TAS2R30: variants seen among roughly 807,000 people sequenced by gnomAD.
TAS2R30 encodes the protein taste receptor type 2 member 30.
For missense variants in TAS2R30, 395 were observed against 371.6 expected, an observed-to-expected ratio of 1.06 and a Z score of -0.52; for synonymous variants, 141 against 131.6, an observed-to-expected ratio of 1.07 and a Z score of -0.49.
chr12:11,133,477 T>C, exon 1 of TAS2R30: 1 of 1,614,142 alleles, frequency 6.2e-7, no homozygotes, highest in Non-Finnish European at 8.5e-7. Flanking sequence ...CAGGTTGCTT[T>C]TCCAGCCTCC....
exon 1 of TAS2R30, chr12:11,133,155 G>A (rs2600357): frequency 0.5 from 547,404 of 1,088,808 alleles, 136,596 homozygotes; most frequent in Non-Finnish European, 0.54. Context: ...CTATATATAT[G>A]TACTTTTCTA....
At position 11,133,151 on chromosome 12, in the gene TAS2R30, A is replaced by G. The variant is rs140979402; in HGVS notation, c.*134T>C. 151 of 1,012,634 alleles carry G rather than the reference A, an allele frequency of 1.5e-4. 2 individuals are homozygous for G. The highest frequency in any genetic ancestry group is 7.6e-4 in the Middle Eastern group (3 of 3,930). 62.7% of individuals were successfully genotyped at this position (1,012,634 alleles called of 1,614,324 possible). On this transcript the variant is annotated 3_prime_UTR_variant, in exon 1 of 1. Coordinates refer to ENST00000539585, the Ensembl canonical transcript of TAS2R30. ...CACACACACACACACACATCTATAT[A>G]TATGTACTTTTCTAGACTAACTTTA...
chr12:11,133,342 C>G, exon 1 of TAS2R30: 1 of 1,613,126 alleles, frequency 6.2e-7, no homozygotes, highest in Non-Finnish European at 8.5e-7. Context: ...TTCTGTCTTT[C>G]ACCCAGTACC....
chr12:11,134,106 T>A (rs1273640109), exon 1 of TAS2R30: 1 of 1,614,012 alleles, frequency 6.2e-7, no homozygotes, highest in Non-Finnish European at 8.5e-7. Flanking sequence ...GCAGTGAGAA[T>A]TTGGTCAACA....
exon 1 of TAS2R30, chr12:11,134,230 C>G (rs1162786982): frequency 6.2e-7 from 1 of 1,612,576 alleles, no homozygotes; most frequent in Non-Finnish European, 8.5e-7. Flanking sequence ...AAATGATGGG[C>G]AGAAAAGTTA....
exon 1 of TAS2R30, chr12:11,133,360 C>T: frequency 2.5e-6 from 4 of 1,613,830 alleles, no homozygotes; most frequent in Non-Finnish European, 3.4e-6. Context: ...ACCTCACATG[C>T]CGCAAAACTG....
exon 1 of TAS2R30, chr12:11,133,215 C>A: frequency 2.6e-6 from 4 of 1,523,086 alleles, no homozygotes; most frequent in South Asian, 1.4e-5. Flanking sequence ...GGAAATTATT[C>A]ATATACATAT....
At chr12:11,134,010 C>T in exon 1 of TAS2R30, 2 of 1,614,092 alleles carry the variant, frequency 1.2e-6, no homozygotes, top group Non-Finnish European at 1.7e-6. Flanking sequence ...ATTCTTACTT[C>T]TACACTATAA....
rs775547728 is a variant in TAS2R30, at chr12:11,133,461, T to A, written c.784A>T (p.Met262Leu). ...CTGAATATAATAGCTTGGCAGAACA[T>A]GAAGACAGGTTGCTTTTCCAGCCTC... Residue 262 changes from methionine (M) to leucine (L), a missense_variant, in exon 1 of 1, where the codon ATG becomes TTG. By Grantham distance (15) the Met-to-Leu change is conservative. Transcript: ENST00000539585. The A allele has an allele frequency of 1.2e-6, 2 of 1,614,088 alleles. No homozygotes were observed. The highest frequency in any genetic ancestry group is 1.7e-6 in the Non-Finnish European group (2 of 1,179,956).
exon 1 of TAS2R30, chr12:11,133,373 A>G: frequency 6.2e-7 from 1 of 1,613,976 alleles, no homozygotes; most frequent in Non-Finnish European, 8.5e-7. Flanking sequence ...CAAAACTGAA[A>G]GAAAAATCTG....
At chr12:11,133,249 T>C (rs1946426200) in exon 1 of TAS2R30, 14 of 1,551,436 alleles carry the variant, frequency 9.0e-6, no homozygotes, top group African/African-American at 1.4e-5. Flanking sequence ...CAGTAAGAAA[T>C]ATAAAATGTT....
Position 11,134,262 on chromosome 12 carries a change from G to T in TAS2R30, c.-18C>A, listed in dbSNP as rs751047749. The T allele has an allele frequency of 1.3e-5, 20 of 1,593,834 alleles. No homozygotes were observed. In the South Asian group the frequency reaches 1.5e-4, roughly 12 times the overall value. ...GTTATCATGTCTGAACAGACAAAAA[G>T]AAATTTTTAAAATGCTGGTGTAATA... On this transcript the variant is annotated 5_prime_UTR_variant, in exon 1 of 1. Transcript: ENST00000539585.
At chr12:11,133,984 G>A in exon 1 of TAS2R30, 2 of 1,614,102 alleles carry the variant, frequency 1.2e-6, no homozygotes, top group Non-Finnish European at 1.7e-6. Context: ...TTACTGCCCA[G>A]ACATTATAAG....
At position 11,133,762 on chromosome 12, in the gene TAS2R30, G is replaced by A. The variant is rs200760688; in HGVS notation, c.483C>T (p.Asn161=). ...TCCTCAATTTGATCTTCCAAGTCAC[G>A]TTTCCTTCATATTCTTTTGTCCATA... Residue 161 remains asparagine, a synonymous_variant, in exon 1 of 1, where the codon AAC becomes AAT. Coordinates refer to ENST00000539585, the Ensembl canonical transcript of TAS2R30. The A allele has an allele frequency of 6.8e-4, 1,098 of 1,614,090 alleles. 4 individuals are homozygous for A. Among genetic ancestry groups the A allele is most frequent in the South Asian group, 1.0e-3 (95 of 91,078 alleles).
In TAS2R30 at chr12:11,133,699, T is replaced by G. The variant is rs1334949408; in HGVS notation, c.546A>C (p.Leu182=). ...TCAGAGTGAGGGGTACAAAGTTTGC[T>G]AGCATGGTTAGAGTCATATTTGAAT... Residue 182 remains leucine, a synonymous_variant, in exon 1 of 1, where the codon CTA becomes CTC. Coordinates refer to ENST00000539585, the Ensembl canonical transcript of TAS2R30. 1.9e-6 allele frequency: 3 copies of G among 1,614,136 alleles called. No individual in the cohort carries two copies. In the African/African-American group the frequency reaches 4.0e-5, roughly 22 times the overall value.
rs1946452560 is a variant in TAS2R30 at position 11,133,772 on chromosome 12, T to C, written c.473A>G (p.Tyr158Cys). The C allele has an allele frequency of 6.2e-7, 1 of 1,614,116 alleles. No homozygotes were observed. The highest frequency in any genetic ancestry group is 1.3e-5 in the African/African-American group (1 of 74,936). Residue 158 changes from tyrosine to cysteine, a missense_variant, in exon 1 of 1, where the codon TAT becomes TGT. Transcript: ENST00000539585. ...GATCTTCCAAGTCACGTTTCCTTCA[T>C]ATTCTTTTGTCCATACAGTCTCATC...
In TAS2R30 at chr12:11,133,958, C is replaced by T. The variant is rs199859319; in HGVS notation, c.287G>A (p.Ser96Asn). The stretch of plus-strand genomic sequence containing the variant: ...CATGCTGAGGCTAGTAGCAAGCCAG[C>T]TGCTGAAATGGTTGGTTACTGCCCA... The change falls in exon 1 of 1, where the codon AGC becomes AAC. Residue 96 changes from serine to asparagine, a missense_variant. Ser to Asn is a conservative substitution (Grantham distance 46). Coordinates refer to ENST00000539585, the Ensembl canonical transcript of TAS2R30. The T allele has an allele frequency of 1.5e-5, 25 of 1,613,916 alleles. No homozygotes were observed. The Admixed American group carries it at 1.7e-4, about 11-fold the overall frequency.
chr12:11,134,247 C>T, exon 1 of TAS2R30: 1 of 1,604,706 alleles, frequency 6.2e-7, no homozygotes, highest in East Asian at 2.2e-5. Context: ...GTTATCATGT[C>T]TGAACAGACA....
Position 11,134,627 on chromosome 12 carries a change from T to A in TAS2R30, c.-383A>T, listed in dbSNP as rs1477286832. ...AATTTTTCCTTGTGTAACCTCTCCA[T>A]CATTTGTCTTTAGCGACTTCAGTTG... On this transcript the variant is annotated 5_prime_UTR_variant, in exon 1 of 1. An upstream start codon of the reference 5' UTR is lost. Transcript: ENST00000539585. 5.1e-6 allele frequency: 1 copy of A among 197,356 alleles called. No homozygotes were observed. The highest frequency in any genetic ancestry group is 1.3e-4 in the East Asian group (1 of 7,590). The allele number at this position is 197,356 out of a possible 1,614,324, so 12.2% of individuals were successfully genotyped here. A position where few individuals can be genotyped will look rare whatever the true frequency, so the allele number is the denominator to read the frequency against.
Sources: allele counts gnomAD v4.1 joint callset, GRCh38; gene constraint gnomAD v4.1.1; transcripts MANE v1.5; gene names NCBI Gene and HGNC (gene_info 2026-07-23, HGNC 2026-07-21).